The following GATAD2B variants were observed in gnomAD, a reference collection of about 807,000 sequenced individuals.
GATAD2B encodes transcriptional repressor p66-beta.
Under a neutral mutation model 64.3 loss-of-function variants are expected in GATAD2B, and 8 were observed. The ratio of observed to expected loss-of-function variants is 0.12; its 90% CI spans 0.07 to 0.22. The LOEUF is 0.22. Ranked by LOEUF, GATAD2B falls within the 10% of genes least tolerant of loss-of-function variation. The probability of loss-of-function intolerance (pLI) is 1.00; values close to 1 mark genes in which losing one functional copy is unlikely to be tolerated. For missense variants in GATAD2B, 453 were observed against 752.0 expected (o/e 0.60, Z 4.65); for synonymous variants, 281 against 271.3 (o/e 1.04, Z -0.35).
At chr1:153,922,506 G>C (rs1166942744) in intron 1 of GATAD2B, among the ~76,000 whole-genome samples, 1 of 144,768 alleles carries the variant, frequency 6.9e-6, no homozygotes, top group African/African-American at 2.5e-5. Context: ...AGGTGAAGAA[G>C]GAGCGCGAGG....
intron 1 of GATAD2B, among the ~76,000 whole-genome samples, chr1:153,873,987 C>T (rs558795262): frequency 1.3e-3 from 195 of 150,388 alleles, no homozygotes; most frequent in Non-Finnish European, 2.4e-3. Context: ...GGACCGGGTG[C>T]GGTGGCTCAT....
In GATAD2B at chr1:153,846,876, C is replaced by T. The variant is rs115787408; in HGVS notation, c.-1-18528G>A. Among the ~76,000 whole-genome samples, 501 of 151,640 alleles carry T rather than the reference C, an allele frequency of 3.3e-3. 6 individuals carry two copies. Among genetic ancestry groups the T allele is most frequent in the African/African-American group, 0.011 (471 of 41,366 alleles). ...ACCTGGCCCTTCTTGCTCTTTTATG[C>T]CTTCTATTAAATTCTTATTTTTTAT... On this transcript the variant is annotated intron_variant, in intron 1 of 10. Transcript: ENST00000368655.
chr1:153,820,100 A>AAC (rs1674626265), intron 2 of GATAD2B, among the ~76,000 whole-genome samples: 1 of 132,628 alleles, frequency 7.5e-6, no homozygotes, highest in Admixed American at 8.7e-5. Context: ...TCCCGTCTCA[A>AAC]AAAAAAAAAA....
chr1:153,821,510 A>T (rs1191598157), intron 2 of GATAD2B, among the ~76,000 whole-genome samples: 1 of 152,178 alleles, frequency 6.6e-6, no homozygotes, highest in African/African-American at 2.4e-5. Flanking sequence ...CTAGAGGGAG[A>T]AAAGAGCCTT....
At chr1:153,836,267 T>C (rs1191089402) in intron 1 of GATAD2B, among the ~76,000 whole-genome samples, 1 of 149,930 alleles carries the variant, frequency 6.7e-6, no homozygotes, top group African/African-American at 2.5e-5. Flanking sequence ...AAATTTGTTT[T>C]TTTTTTTTTT....
intron 4 of GATAD2B, among the ~76,000 whole-genome samples, 198 bp downstream of exon 4, chr1:153,818,593 C>T (rs1199909048): frequency 6.6e-6 from 1 of 151,896 alleles, no homozygotes; most frequent in Non-Finnish European, 1.5e-5. Flanking sequence ...GAGTTACAGG[C>T]GTGAGCCACC....
chr1:153,848,097 A>C (rs1408059388), intron 1 of GATAD2B, among the ~76,000 whole-genome samples: 2 of 152,168 alleles, frequency 1.3e-5, no homozygotes, highest in African/African-American at 4.8e-5. Flanking sequence ...GTTGAGAATC[A>C]TCCCCTCACC....
At chr1:153,889,413 C>CAAAAAAAAAAAAAAAAAA (rs71093299) in intron 1 of GATAD2B, among the ~76,000 whole-genome samples, 1 of 67,888 alleles carries the variant, frequency 1.5e-5, no homozygotes, top group Non-Finnish European at 2.6e-5. Context: ...ACCCCGTCTC[C>CAAAAAAAAAAAAAAAAAA]AAAAAAAAAA....
At chr1:153,918,051 C>A (rs984410406) in intron 1 of GATAD2B, among the ~76,000 whole-genome samples, 17 of 152,094 alleles carry the variant, frequency 1.1e-4, no homozygotes, top group Non-Finnish European at 2.2e-4. Flanking sequence ...TAGGAACCTG[C>A]CAAGGTTCTA....
At chr1:153,811,357 T>C (rs142688437) in intron 10 of GATAD2B, among the ~76,000 whole-genome samples, 3 of 152,244 alleles carry the variant, frequency 2.0e-5, no homozygotes, top group South Asian at 2.1e-4. Flanking sequence ...GACAGAGAGA[T>C]AGAATCATTA....
chr1:153,892,939 C>T (rs1191578765), intron 1 of GATAD2B, among the ~76,000 whole-genome samples: 2 of 152,056 alleles, frequency 1.3e-5, no homozygotes, highest in Non-Finnish European at 2.9e-5. Context: ...GTGATCCACC[C>T]GCCTCGGCCT....
intron 1 of GATAD2B, among the ~76,000 whole-genome samples, chr1:153,861,956 T>C (rs1244299808): frequency 6.7e-6 from 1 of 149,866 alleles, no homozygotes; most frequent in African/African-American, 2.4e-5. Context: ...CAGAAACAAT[T>C]CCGCATACTG....
At position 153,863,796 on chromosome 1, in the gene GATAD2B, T is replaced by G. The variant is rs950312584; in HGVS notation, c.-1-35448A>C. Among the ~76,000 whole-genome samples, 3 of 152,108 alleles carry G rather than the reference T, an allele frequency of 2.0e-5. No individual in the cohort carries two copies. In the South Asian group the frequency reaches 6.2e-4, roughly 32 times the overall value. On this transcript the variant is annotated intron_variant, in intron 1 of 10. Transcript: ENST00000368655. ...GTGCCACAATGCCTGGGTAATTTTT[T>G]TGTATTTTTAGTAGAGACAAGGTTT...
At chr1:153,872,316 C>CAAAAAAAAA (rs779386978) in intron 1 of GATAD2B, among the ~76,000 whole-genome samples, 2 of 58,706 alleles carry the variant, frequency 3.4e-5, no homozygotes, top group African/African-American at 1.2e-4. Context: ...ACTCTGTCTC[C>CAAAAAAAAA]AAAAAAAAAA....
chr1:153,889,640 T>C (rs1677306291), intron 1 of GATAD2B: 2 of 716,220 alleles, frequency 2.8e-6, no homozygotes, highest in South Asian at 6.3e-5. Flanking sequence ...AAGAGGAAAG[T>C]TGTAGATGCG....
chr1:153,845,655 G>C (rs113930308), intron 1 of GATAD2B, among the ~76,000 whole-genome samples: 2 of 145,886 alleles, frequency 1.4e-5, no homozygotes, highest in South Asian at 2.4e-4. Flanking sequence ...GGGCTGCAAG[G>C]GGGGGTGAGG....
chr1:153,885,622 C>G (rs1349842907), intron 1 of GATAD2B, among the ~76,000 whole-genome samples: 1 of 151,828 alleles, frequency 6.6e-6, no homozygotes. Context: ...AATCCCAGCA[C>G]TTTGGGAGGC....
chr1:153,878,864 A>C (rs1570983209), intron 1 of GATAD2B, among the ~76,000 whole-genome samples: 1 of 123,292 alleles, frequency 8.1e-6, no homozygotes, highest in African/African-American at 3.2e-5. Flanking sequence ...TGCAACCTCC[A>C]CCTCCCAGGT....
At chr1:153,838,216 A>G (rs1283533578) in intron 1 of GATAD2B, among the ~76,000 whole-genome samples, 1 of 152,184 alleles carries the variant, frequency 6.6e-6, no homozygotes, top group Non-Finnish European at 1.5e-5. Flanking sequence ...CTGTGTATTC[A>G]TGTATCTGCA....
Sources: gnomAD v4.1 joint callset for allele counts (sites outside exome capture counted in the v4.1 genomes callset) on GRCh38, gnomAD v4.1.1 for gene constraint, MANE v1.5 for transcripts, NCBI Gene and HGNC (gene_info 2026-07-23, HGNC 2026-07-21) for gene names.